GRID1: variants seen among roughly 807,000 people sequenced by gnomAD.
GRID1 encodes glutamate ionotropic receptor delta type subunit 1, also known as glutamate receptor ionotropic, delta-1.
Under a neutral mutation model 98.0 loss-of-function variants are expected in GRID1, and 28 were observed. The ratio of observed to expected loss-of-function variants is 0.29; its 90% CI spans 0.21 to 0.39. The LOEUF (loss-of-function observed/expected upper bound fraction) is 0.39. GRID1 is among the 10% of genes least tolerant of loss of function. The probability of loss-of-function intolerance (pLI) is 1.00; values close to 1 mark genes in which losing one functional copy is unlikely to be tolerated. For synonymous variants in GRID1, 553 were observed against 538.5 expected, an observed-to-expected ratio of 1.03 and a Z score of -0.37; for missense variants, 1,111 against 1,340.5, an observed-to-expected ratio of 0.83 and a Z score of 2.67.
At chr10:86,344,450 C>G (rs1386766058) in intron 2 of GRID1, among the ~76,000 whole-genome samples, 1 of 152,204 alleles carries the variant, frequency 6.6e-6, no homozygotes, top group African/African-American at 2.4e-5. Context: ...GCCTTCCCCC[C>G]AGCCAAGACT....
At chr10:85,814,023 G>A (rs1165235697) in intron 8 of GRID1, among the ~76,000 whole-genome samples, 1 of 151,450 alleles carries the variant, frequency 6.6e-6, no homozygotes, top group East Asian at 1.9e-4. Context: ...ATTCAAAAAA[G>A]GCAAGAAAAA....
chr10:85,933,466 G>C (rs1841886473), intron 4 of GRID1, among the ~76,000 whole-genome samples: 1 of 152,110 alleles, frequency 6.6e-6, no homozygotes, highest in Non-Finnish European at 1.5e-5. Context: ...CAGGTATTCT[G>C]TGATAGCAGC....
chr10:85,975,843 T>A (rs1842465662), intron 4 of GRID1, among the ~76,000 whole-genome samples: 1 of 152,180 alleles, frequency 6.6e-6, no homozygotes, highest in Admixed American at 6.5e-5. Flanking sequence ...AGGACAATAG[T>A]GGTTTCTTTC....
chr10:86,175,062 GTCT>G (rs1845554619), intron 3 of GRID1, among the ~76,000 whole-genome samples: 2 of 152,150 alleles, frequency 1.3e-5, no homozygotes, highest in African/African-American at 4.8e-5. Flanking sequence ...AACTAGCTCA[GTCT>G]TCTTTTCTCC....
intron 3 of GRID1, among the ~76,000 whole-genome samples, chr10:86,165,640 A>G (rs1465104068): frequency 6.6e-6 from 1 of 152,206 alleles, no homozygotes; most frequent in Non-Finnish European, 1.5e-5. Context: ...GTTTAAGGTT[A>G]TAAAGACTGG....
At chr10:86,153,703 G>T (rs894021006) in intron 3 of GRID1, among the ~76,000 whole-genome samples, 1 of 152,196 alleles carries the variant, frequency 6.6e-6, no homozygotes, top group East Asian at 1.9e-4. Flanking sequence ...ATGGCCCAGG[G>T]CCTCTGCAAC....
chr10:86,358,793 G>A (rs1848565875), intron 2 of GRID1, among the ~76,000 whole-genome samples: 1 of 151,476 alleles, frequency 6.6e-6, no homozygotes, highest in African/African-American at 2.4e-5. Context: ...AGATTATCTG[G>A]GATTATCCAG....
At chr10:85,791,631 G>A (rs1466555488) in intron 8 of GRID1, among the ~76,000 whole-genome samples, 1 of 152,140 alleles carries the variant, frequency 6.6e-6, no homozygotes, top group Non-Finnish European at 1.5e-5. Flanking sequence ...GGAGGGAGAA[G>A]CCAGCATGGG....
At chr10:85,879,906 T>G (rs1589285436) in intron 5 of GRID1, among the ~76,000 whole-genome samples, 6 of 151,354 alleles carry the variant, frequency 4.0e-5, no homozygotes, top group East Asian at 3.9e-4. Context: ...GAGAGAAGAA[T>G]CAAATAGACG....
intron 6 of GRID1, among the ~76,000 whole-genome samples, chr10:85,865,680 G>A (rs1843208106): frequency 6.6e-6 from 1 of 151,778 alleles, no homozygotes; most frequent in Admixed American, 6.6e-5. Flanking sequence ...GAGGCTAGTA[G>A]AAATTAGTTT....
intron 4 of GRID1, among the ~76,000 whole-genome samples, chr10:85,935,442 G>A (rs1402899537): frequency 2.6e-5 from 4 of 152,166 alleles, no homozygotes; most frequent in Non-Finnish European, 5.9e-5. Context: ...CCCAACCTCC[G>A]AACAGAGGCA....
At chr10:85,722,432 TAC>T (rs1841714428) in intron 12 of GRID1, among the ~76,000 whole-genome samples, 1 of 152,214 alleles carries the variant, frequency 6.6e-6, no homozygotes, top group Non-Finnish European at 1.5e-5. Flanking sequence ...GATCATAAAA[TAC>T]AGTCACTTCC....
At chr10:85,902,900 C>T (rs149268744) in intron 5 of GRID1, among the ~76,000 whole-genome samples, 1 of 152,136 alleles carries the variant, frequency 6.6e-6, no homozygotes, top group Non-Finnish European at 1.5e-5. Context: ...GGGACCCCCC[C>T]ACAACACCTG....
At chr10:85,932,009 G>T (rs537235058) in intron 4 of GRID1, among the ~76,000 whole-genome samples, 1 of 152,308 alleles carries the variant, frequency 6.6e-6, no homozygotes, top group East Asian at 1.9e-4. Context: ...AGCAGCCAAA[G>T]GTTCTACTAT....
At chr10:86,134,308 C>T (rs538858563) in intron 4 of GRID1, among the ~76,000 whole-genome samples, 2 of 152,308 alleles carry the variant, frequency 1.3e-5, no homozygotes, top group South Asian at 4.1e-4. Flanking sequence ...CCAATTGGTA[C>T]TTGCTGGGTG....
At chr10:85,665,472 C>T (rs1841008832) in intron 12 of GRID1, among the ~76,000 whole-genome samples, 1 of 152,150 alleles carries the variant, frequency 6.6e-6, no homozygotes, top group African/African-American at 2.4e-5. Context: ...CAGCAGGTTC[C>T]AGGCACTTTA....
chr10:85,676,446 G>A (rs987297071), intron 12 of GRID1, among the ~76,000 whole-genome samples: 1 of 152,138 alleles, frequency 6.6e-6, no homozygotes, highest in Non-Finnish European at 1.5e-5. Context: ...TGCTTAGCAC[G>A]TTTTCCCTGC....
intron 4 of GRID1, among the ~76,000 whole-genome samples, chr10:86,045,222 A>G (rs1043138541): frequency 6.6e-6 from 1 of 152,168 alleles, no homozygotes; most frequent in Non-Finnish European, 1.5e-5. Flanking sequence ...AGATTAGGTT[A>G]TTTGCCCAGG....
intron 2 of GRID1, among the ~76,000 whole-genome samples, chr10:86,360,092 A>G (rs1384684594): frequency 6.6e-6 from 1 of 152,220 alleles, no homozygotes; most frequent in Non-Finnish European, 1.5e-5. Context: ...CTTAGGACCA[A>G]CATATCCAGG....
Sources: gnomAD v4.1 joint callset for allele counts (sites outside exome capture counted in the v4.1 genomes callset) on GRCh38, gnomAD v4.1.1 for gene constraint, MANE v1.5 for transcripts, NCBI Gene and HGNC (gene_info 2026-07-23, HGNC 2026-07-21) for gene names.